The following KLRK1 variants were observed in gnomAD, a reference collection of about 807,000 sequenced individuals.
KLRK1 encodes NKG2-D type II integral membrane protein.
KLRK1 carries 40 observed loss-of-function variants against 31.3 expected under a neutral mutation model. The observed-to-expected ratio is 1.28, with a 90% CI of 0.99 to 1.67. The LOEUF is 1.67. Ranked by LOEUF, KLRK1 falls within the 40% of genes most tolerant of loss-of-function variation. The pLI, the probability that KLRK1 is intolerant of heterozygous loss-of-function variation, is 0.00. For missense variants in KLRK1, 251 were observed against 260.0 expected, an observed-to-expected ratio of 0.97 and a Z score of 0.24; for synonymous variants, 77 against 77.3, an observed-to-expected ratio of 1.00 and a Z score of 0.02.
intron 1 of KLRK1, among the ~76,000 whole-genome samples, chr12:10,389,535 C>A (rs1863236151): frequency 6.6e-6 from 1 of 152,098 alleles, no homozygotes; most frequent in Non-Finnish European, 1.5e-5. Flanking sequence ...TTGGAAAGCA[C>A]AGATATAACT....
At chr12:10,378,471 A>G (rs2137807010) in intron 6 of KLRK1, 83 bp downstream of exon 6, 1 of 1,573,036 alleles carries the variant, frequency 6.4e-7, no homozygotes, top group East Asian at 2.2e-5. Context: ...AGTGTCCCTT[A>G]TATGTTCTAG....
Position 10,378,150 on chromosome 12 carries a change from G to A in KLRK1, c.515C>T (p.Ser172Phe), listed in dbSNP as rs200842022. The stretch of plus-strand genomic sequence containing the variant: ...GACTTACAGGTTGGGTGAGAGAATG[G>A]AGCCATCTTCCCACTGCCAAGATCC... ...TNGSWQWEDG[S>F]ILSPNLLTII... The change falls in exon 7 of 8, where the codon TCC becomes TTC. Residue 172 changes from serine to phenylalanine, a missense_variant. Ser to Phe is a radical substitution (Grantham distance 155). Transcript: ENST00000240618. 5 of 1,614,076 alleles carry A rather than the reference G, an allele frequency of 3.1e-6. No individual in the cohort carries two copies. The highest frequency in any genetic ancestry group is 2.7e-5 in the African/African-American group (2 of 75,040).
intron 3 of KLRK1, among the ~76,000 whole-genome samples, chr12:10,380,636 T>C (rs961562604): frequency 6.6e-6 from 1 of 152,086 alleles, no homozygotes; most frequent in Non-Finnish European, 1.5e-5. Context: ...AGAGGGACTC[T>C]CCACTGAGGA....
At position 10,372,898 on chromosome 12, in the gene KLRK1, G is replaced by C. The variant is rs2061755; in HGVS notation, c.*216C>G. On this transcript the variant is annotated 3_prime_UTR_variant, in exon 8 of 8. Coordinates refer to ENST00000240618, the MANE Select transcript of KLRK1 (RefSeq NM_007360.4). The stretch of plus-strand genomic sequence containing the variant: ...GGGAGAGGCAGCCTTGGGGATATCT[G>C]AATTGCCTTTAGGATCTCTCTTCTT... 7,049 of 487,264 alleles carry C rather than the reference G, an allele frequency of 0.014. 407 individuals carry two copies. Among genetic ancestry groups the C allele is most frequent in the African/African-American group, 0.13 (6,252 of 49,184 alleles). The allele number at this position is 487,264 out of a possible 1,614,324, so 30.2% of individuals were successfully genotyped here.
At chr12:10,382,339 G>A (rs1206946295) in intron 3 of KLRK1, among the ~76,000 whole-genome samples, 1 of 152,142 alleles carries the variant, frequency 6.6e-6, no homozygotes, top group Non-Finnish European at 1.5e-5. Context: ...AATTTTAAAG[G>A]AAGCAAAATT....
chr12:10,376,540 C>T (rs1309804578), intron 7 of KLRK1, among the ~76,000 whole-genome samples: 5 of 151,918 alleles, frequency 3.3e-5, no homozygotes, highest in Non-Finnish European at 7.4e-5. Flanking sequence ...AATCATCTCA[C>T]ATATTAATAG....
At chr12:10,377,671 A>G (rs1862991505) in intron 7 of KLRK1, among the ~76,000 whole-genome samples, 1 of 152,192 alleles carries the variant, frequency 6.6e-6, no homozygotes, top group African/African-American at 2.4e-5. Context: ...GCATGCTTAG[A>G]GAATGTTTTC....
intron 3 of KLRK1, among the ~76,000 whole-genome samples, chr12:10,381,628 G>A (rs1389591551): frequency 6.6e-6 from 1 of 152,152 alleles, no homozygotes; most frequent in Admixed American, 6.5e-5. Context: ...AATGGCAGAA[G>A]AGCAAGCTGG....
chr12:10,374,515 C>A lies in KLRK1; in HGVS notation c.534-1284G>T, dbSNP rs1421947827. The stretch of plus-strand genomic sequence containing the variant: ...TCAAGCAATTCTGCTGCCCCTCAGC[C>A]TCAGGAGTAGCTGGGGTTACAGGCA... On this transcript the variant is annotated intron_variant, in intron 7 of 7. Coordinates refer to ENST00000240618, the MANE Select transcript of KLRK1 (RefSeq NM_007360.4). Among the ~76,000 whole-genome samples, 10 of 151,474 alleles carry A rather than the reference C, an allele frequency of 6.6e-5. No homozygotes were observed. In the South Asian group the frequency reaches 2.1e-3, roughly 31 times the overall value.
At chr12:10,373,562 A>G (rs1862901853) in intron 7 of KLRK1, among the ~76,000 whole-genome samples, 4 of 152,228 alleles carry the variant, frequency 2.6e-5, no homozygotes, top group African/African-American at 4.8e-5. Flanking sequence ...TCAGTGTTCA[A>G]TTTAGAATTT....
At chr12:10,374,716 C>T (rs1400117175) in intron 7 of KLRK1, among the ~76,000 whole-genome samples, 6 of 152,158 alleles carry the variant, frequency 3.9e-5, no homozygotes, top group Non-Finnish European at 8.8e-5. Flanking sequence ...TGTGTTCCTT[C>T]GATTTCTTTC....
chr12:10,386,706 G>T (rs762157077), intron 3 of KLRK1, among the ~76,000 whole-genome samples, 197 bp downstream of exon 3: 12 of 151,290 alleles, frequency 7.9e-5, no homozygotes, highest in Admixed American at 1.3e-4. Context: ...ATTTTTTAGG[G>T]CGTGACAATA....
At chr12:10,378,034 A>G (rs1862997422) in intron 7 of KLRK1, 98 bp downstream of exon 7, 2 of 1,260,282 alleles carry the variant, frequency 1.6e-6, no homozygotes, top group Middle Eastern at 1.9e-4. Context: ...AGAATGTGCA[A>G]ATGTCCTGGG....
chr12:10,382,350 T>TAAAA (rs1336875935), intron 3 of KLRK1, among the ~76,000 whole-genome samples: 1 of 152,104 alleles, frequency 6.6e-6, no homozygotes, highest in Non-Finnish European at 1.5e-5. Context: ...AAGCAAAATT[T>TAAAA]AAAAAGCAAA....
intron 3 of KLRK1, among the ~76,000 whole-genome samples, chr12:10,386,289 G>A (rs1415007712): frequency 1.3e-5 from 2 of 151,980 alleles, no homozygotes; most frequent in Non-Finnish European, 1.5e-5. Context: ...GGTAACAATT[G>A]AATATTTTAG....
Position 10,379,584 on chromosome 12 carries a change from A to AG in KLRK1, c.242-103_242-102insC, listed in dbSNP as rs1863032456. 11 of 1,323,240 alleles carry AG rather than the reference A, an allele frequency of 8.3e-6. No homozygotes were observed. In the East Asian group the frequency reaches 2.7e-4, roughly 33 times the overall value. The allele number at this position is 1,323,240 out of a possible 1,614,324, so 82.0% of individuals were successfully genotyped here. A position where few individuals can be genotyped will look rare whatever the true frequency, so the allele number is the denominator to read the frequency against. On this transcript the variant is annotated intron_variant, in intron 4 of 7. Coordinates refer to ENST00000240618, the MANE Select transcript of KLRK1 (RefSeq NM_007360.4). ...TCTGGACTAATAGCAAAAATGTGACAAAGATACATTTAATATTTCTAGTTT... is the reference window on the plus strand; with the variant it reads ...TCTGGACTAATAGCAAAAATGTGACAGAAGATACATTTAATATTTCTAGTTT...
intron 5 of KLRK1, chr12:10,379,214 C>CA (rs10644323): frequency 0.077 from 3,099 of 40,112 alleles, 216 homozygotes; most frequent in African/African-American, 0.11. Flanking sequence ...GACCCCATCT[C>CA]AAAAAAAAAA....
intron 2 of KLRK1, 29 bp downstream of exon 2, chr12:10,388,742 A>C: frequency 6.2e-7 from 1 of 1,613,284 alleles, no homozygotes; most frequent in East Asian, 2.2e-5. Flanking sequence ...ATAAAAACAA[A>C]ACTACACACT....
At chr12:10,379,891 G>C (rs2137809674) in intron 3 of KLRK1, 99 bp from the exon 4 acceptor site, 1 of 1,080,498 alleles carries the variant, frequency 9.3e-7, no homozygotes, top group African/African-American at 1.6e-5. Flanking sequence ...ATGAGAAGGT[G>C]GTATTGATCC....
Sources: allele counts gnomAD v4.1 joint callset (sites outside exome capture counted in the v4.1 genomes callset), GRCh38; gene constraint gnomAD v4.1.1; transcripts MANE v1.5; gene names NCBI Gene and HGNC (gene_info 2026-07-23, HGNC 2026-07-21).